The following DEPDC5 variants were observed in gnomAD, a reference collection of about 807,000 sequenced individuals.
DEPDC5 encodes DEP domain containing 5, GATOR1 subcomplex subunit.
In DEPDC5, 73 loss-of-function variants were observed where a neutral mutation model predicts 217.3. That is an observed-to-expected ratio of 0.34 (90% CI 0.28 to 0.41). The LOEUF (loss-of-function observed/expected upper bound fraction) is 0.41, where lower values mean the gene tolerates loss of function less well. Among genes scored for constraint, DEPDC5 ranks in the 10% least tolerant of loss-of-function variants. The probability of loss-of-function intolerance (pLI) is 1.00; values close to 1 mark genes in which losing one functional copy is unlikely to be tolerated. For synonymous variants in DEPDC5, 733 were observed against 756.7 expected (o/e 0.97, Z 0.51); for missense variants, 1,675 against 2,070.1 (o/e 0.81, Z 3.70).
At chr22:31,851,145 C>T (rs1189306769) in intron 31 of DEPDC5, among the ~76,000 whole-genome samples, 2 of 152,070 alleles carry the variant, frequency 1.3e-5, no homozygotes, top group African/African-American at 4.8e-5. Flanking sequence ...TGAGCTGGCA[C>T]TTCAGAAGGG....
chr22:31,838,987 A>T, intron 27 of DEPDC5, 142 bp downstream of exon 27: 1 of 889,666 alleles, frequency 1.1e-6, no homozygotes, highest in Non-Finnish European at 1.7e-6. Flanking sequence ...TACTTAAGTG[A>T]GGAATAAAGT....
intron 39 of DEPDC5, chr22:31,894,195 G>C (rs906069761): frequency 6.6e-6 from 1 of 152,254 alleles, no homozygotes; most frequent in African/African-American, 2.4e-5. Flanking sequence ...TCATTCCCTG[G>C]GATCTACTTC....
At chr22:31,797,796 C>T in intron 13 of DEPDC5, 93 bp downstream of exon 13, 1 of 951,306 alleles carries the variant, frequency 1.1e-6, no homozygotes, top group South Asian at 1.4e-5. Context: ...GTTTCTCTCC[C>T]ATTGCCGTGT....
intron 20 of DEPDC5, 161 bp downstream of exon 20, chr22:31,810,802 T>C: frequency 8.7e-7 from 1 of 1,155,910 alleles, no homozygotes. Context: ...TGAGATGGAG[T>C]TTCGCTCTTG....
chr22:31,895,933 C>T (rs977529026), intron 39 of DEPDC5, among the ~76,000 whole-genome samples: 15 of 151,974 alleles, frequency 9.9e-5, no homozygotes, highest in African/African-American at 3.6e-4. Flanking sequence ...CTCACTGATA[C>T]CAGCATGACC....
chr22:31,797,523 G>A (rs2086382567), intron 12 of DEPDC5, 77 bp from the exon 13 acceptor site: 1 of 1,181,274 alleles, frequency 8.5e-7, no homozygotes, highest in East Asian at 2.3e-5. Context: ...TACAATTTGA[G>A]ATGAAATTTG....
intron 12 of DEPDC5, among the ~76,000 whole-genome samples, chr22:31,795,214 C>T (rs970259271): frequency 4.0e-5 from 6 of 151,730 alleles, no homozygotes; most frequent in Admixed American, 3.9e-4. Context: ...GGATTGCAGG[C>T]ATCTGCCATC....
chr22:31,849,743 T>C (rs975607635), intron 31 of DEPDC5, among the ~76,000 whole-genome samples: 1 of 151,476 alleles, frequency 6.6e-6, no homozygotes, highest in Non-Finnish European at 1.5e-5. Flanking sequence ...ATTGCACCAC[T>C]GCACTCCAGC....
intron 38 of DEPDC5, among the ~76,000 whole-genome samples, chr22:31,888,630 G>A (rs2093370973): frequency 6.6e-6 from 1 of 151,948 alleles, no homozygotes; most frequent in Non-Finnish European, 1.5e-5. Flanking sequence ...GCTTGCTGCA[G>A]CGTCAACCTT....
chr22:31,896,915 C>T (rs895368398), intron 39 of DEPDC5, among the ~76,000 whole-genome samples: 3 of 152,082 alleles, frequency 2.0e-5, no homozygotes, highest in African/African-American at 4.8e-5. Context: ...GTCAGGAGTT[C>T]GAGACCATAC....
At chr22:31,840,999 G>A (rs1384177243) in intron 27 of DEPDC5, among the ~76,000 whole-genome samples, 1 of 152,240 alleles carries the variant, frequency 6.6e-6, no homozygotes, top group African/African-American at 2.4e-5. Context: ...AATTTAGAAT[G>A]GGGGTGTCAG....
chr22:31,872,665 A>G (rs531835176), intron 34 of DEPDC5, among the ~76,000 whole-genome samples: 1 of 152,356 alleles, frequency 6.6e-6, no homozygotes, highest in South Asian at 2.1e-4. Flanking sequence ...GAGGAATATT[A>G]TTAAAAGGAG....
chr22:31,874,812 T>C (rs1445343977), intron 36 of DEPDC5, among the ~76,000 whole-genome samples: 1 of 152,182 alleles, frequency 6.6e-6, no homozygotes, highest in East Asian at 1.9e-4. Context: ...ACTTACTCTG[T>C]CAGAGCTCTT....
rs1203295519 is a variant in DEPDC5, at chr22:31,851,155, G to T, written c.3155+4188G>T. On this transcript the variant is annotated intron_variant, in intron 31 of 42. Coordinates refer to ENST00000651528, the MANE Select transcript of DEPDC5 (RefSeq NM_001242896.3). ...CACAGTGAGCTGGCACTTCAGAAGG[G>T]GCATATGCCTTGGTTTCACACTCTG... Among the ~76,000 whole-genome samples the T allele has an allele frequency of 2.0e-5, 3 of 152,110 alleles. No individual in the cohort carries two copies. In the East Asian group the frequency reaches 5.8e-4, roughly 29 times the overall value.
chr22:31,761,556 T>C (rs549752172), intron 4 of DEPDC5, among the ~76,000 whole-genome samples: 5 of 151,102 alleles, frequency 3.3e-5, no homozygotes, highest in Non-Finnish European at 7.4e-5. Context: ...CTAGCTACTC[T>C]GGAGGCTGAG....
At chr22:31,862,224 A>C (rs1013796522) in intron 33 of DEPDC5, among the ~76,000 whole-genome samples, 2 of 150,378 alleles carry the variant, frequency 1.3e-5, no homozygotes, top group African/African-American at 4.9e-5. Flanking sequence ...CCTGGGCAAC[A>C]AGAGCGAAAC....
At chr22:31,804,805 C>G in intron 16 of DEPDC5, 37 bp from the exon 17 acceptor site, 1 of 1,596,214 alleles carries the variant, frequency 6.3e-7, no homozygotes, top group Non-Finnish European at 8.6e-7. Flanking sequence ...CCTACTTGTT[C>G]TGTAGCTTAT....
At chr22:31,886,308 T>A (rs2093311142) in intron 38 of DEPDC5, among the ~76,000 whole-genome samples, 1 of 152,190 alleles carries the variant, frequency 6.6e-6, no homozygotes, top group Non-Finnish European at 1.5e-5. Flanking sequence ...AGGCATGAGC[T>A]GATTCCCTCT....
intron 38 of DEPDC5, among the ~76,000 whole-genome samples, chr22:31,888,798 G>A (rs1453686329): frequency 6.6e-6 from 1 of 152,066 alleles, no homozygotes; most frequent in Non-Finnish European, 1.5e-5. Flanking sequence ...CTCCCACCTC[G>A]GCCTCCCAAA....
Sources: gnomAD v4.1 joint callset for allele counts (sites outside exome capture counted in the v4.1 genomes callset) on GRCh38, gnomAD v4.1.1 for gene constraint, MANE v1.5 for transcripts, NCBI Gene and HGNC (gene_info 2026-07-23, HGNC 2026-07-21) for gene names.